The following KATNAL2 variants were observed in gnomAD, a reference collection of about 807,000 sequenced individuals.
The protein encoded by KATNAL2 is katanin catalytic subunit A1 like 2.
Under a neutral mutation model 76.3 loss-of-function variants are expected in KATNAL2, and 52 were observed. That is an observed-to-expected ratio of 0.68 (90% CI 0.55 to 0.86). The LOEUF is 0.86. KATNAL2 is among the 40% of genes least tolerant of loss of function. The pLI, the probability that KATNAL2 is intolerant of heterozygous loss-of-function variation, is 0.00. For synonymous variants in KATNAL2, 243 were observed against 244.2 expected, an observed-to-expected ratio of 1.00 and a Z score of 0.05; for missense variants, 660 against 668.9, an observed-to-expected ratio of 0.99 and a Z score of 0.15.
intron 1 of KATNAL2, among the ~76,000 whole-genome samples, chr18:46,931,468 A>G (rs183978498): frequency 0.022 from 3,380 of 152,172 alleles, 105 homozygotes; most frequent in Non-Finnish European, 0.03. Flanking sequence ...CCTGGCCAAC[A>G]TGGTGAAACC....
chr18:47,085,545 T>C (rs1024341532), intron 15 of KATNAL2, among the ~76,000 whole-genome samples: 3 of 152,144 alleles, frequency 2.0e-5, no homozygotes. Flanking sequence ...GATTGGCCTT[T>C]AGAGATGTCT....
chr18:47,074,790 T>C (rs1448573857), intron 13 of KATNAL2, among the ~76,000 whole-genome samples: 1 of 152,196 alleles, frequency 6.6e-6, no homozygotes, highest in Non-Finnish European at 1.5e-5. Flanking sequence ...ACAAAGGGGC[T>C]AAATTTGTCA....
At chr18:47,056,537 C>A (rs141793778) in intron 6 of KATNAL2, among the ~76,000 whole-genome samples, 30 of 152,272 alleles carry the variant, frequency 2.0e-4, no homozygotes, top group African/African-American at 6.7e-4. Flanking sequence ...GGCGATTGGG[C>A]CTTTTCTGCC....
chr18:46,936,067 C>A (rs2059080772), intron 1 of KATNAL2, among the ~76,000 whole-genome samples: 1 of 152,036 alleles, frequency 6.6e-6, no homozygotes, highest in Admixed American at 6.6e-5. Context: ...AATAATATGG[C>A]CTCAGTGTAT....
At chr18:47,033,168 G>A (rs1313141411) in intron 3 of KATNAL2, 1 of 1,614,118 alleles carries the variant, frequency 6.2e-7, no homozygotes, top group African/African-American at 1.3e-5. Context: ...GAAGGATGCT[G>A]CTGCTGCTGT....
rs371842955 is a variant in KATNAL2, at chr18:47,033,008, G to T, written c.52-13449G>T. The T allele has an allele frequency of 1.2e-5, 19 of 1,613,978 alleles. No individual in the cohort carries two copies. The Admixed American group carries it at 2.0e-4, about 17-fold the overall frequency. ...CTGCAAGGCAAGTCCTGAGTTTATC[G>T]TCGGGAGAATCTTCTCTTGTAGTCT... On this transcript the variant is annotated intron_variant, in intron 3 of 17. Transcript: ENST00000683218.
At chr18:47,038,815 A>T (rs1018652447) in intron 3 of KATNAL2, among the ~76,000 whole-genome samples, 2 of 152,224 alleles carry the variant, frequency 1.3e-5, no homozygotes, top group African/African-American at 4.8e-5. Context: ...TATATATTGC[A>T]AATTATTATA....
chr18:47,098,384 GA>G, intron 15 of KATNAL2: 2 of 215,512 alleles, frequency 9.3e-6, no homozygotes, highest in Non-Finnish European at 1.9e-5. Context: ...GGCAGCAAGA[GA>G]AAATGAGGAA....
intron 15 of KATNAL2, chr18:47,098,132 G>A (rs1481215206): frequency 3.8e-6 from 1 of 263,688 alleles, no homozygotes; most frequent in Non-Finnish European, 7.6e-6. Flanking sequence ...AAGATGGTAT[G>A]TATATAGATG....
intron 3 of KATNAL2, among the ~76,000 whole-genome samples, chr18:46,951,498 A>C (rs917767228): frequency 1.4e-5 from 2 of 146,948 alleles, no homozygotes; most frequent in Admixed American, 6.8e-5. Flanking sequence ...TGGGCGTACT[A>C]TACAGCTTTT....
chr18:47,048,368 AGGCAGTT>A (rs1478375210), intron 4 of KATNAL2, among the ~76,000 whole-genome samples: 1 of 152,186 alleles, frequency 6.6e-6, no homozygotes. Flanking sequence ...GGAGGGCAGG[AGGCAGTT>A]GACAACGAAC....
chr18:47,060,657 G>A (rs1269173958), intron 8 of KATNAL2, among the ~76,000 whole-genome samples: 1 of 152,134 alleles, frequency 6.6e-6, no homozygotes, highest in Non-Finnish European at 1.5e-5. Flanking sequence ...CCTCTGGAGT[G>A]CTGACTTAGT....
chr18:46,941,603 G>C (rs543304093), intron 1 of KATNAL2, among the ~76,000 whole-genome samples: 1 of 152,194 alleles, frequency 6.6e-6, no homozygotes, highest in Admixed American at 6.5e-5. Flanking sequence ...GTATAATTTT[G>C]TTTCTCTTTT....
chr18:47,099,444 C>T lies in KATNAL2; in HGVS notation c.1374+39C>T, dbSNP rs201392119. The T allele has an allele frequency of 1.9e-4, 297 of 1,557,638 alleles. 1 individual carries two copies. In the African/African-American group the frequency reaches 3.9e-3, roughly 21 times the overall value. ...GAGAGGGGCACATGTAGGTCAAGGGCCCACCATATGGCCATCTTGTAGACC... is the reference window on the plus strand; with the variant it reads ...GAGAGGGGCACATGTAGGTCAAGGGTCCACCATATGGCCATCTTGTAGACC... On this transcript the variant is annotated intron_variant, in intron 16 of 17. Coordinates refer to ENST00000683218, the MANE Select transcript of KATNAL2 (RefSeq NM_001387690.1).
At chr18:47,053,075 T>A in intron 5 of KATNAL2, 29 bp downstream of exon 5, 1 of 1,520,198 alleles carries the variant, frequency 6.6e-7, no homozygotes, top group Non-Finnish European at 8.9e-7. Context: ...GAGATAAGGC[T>A]TTGTCTCATC....
chr18:47,069,863 G>C (rs1439909592), intron 13 of KATNAL2, among the ~76,000 whole-genome samples: 1 of 152,024 alleles, frequency 6.6e-6, no homozygotes, highest in African/African-American at 2.4e-5. Flanking sequence ...AGGCATGAAA[G>C]CTGGGGGAAA....
At chr18:46,922,052 A>G (rs1321258735) in intron 1 of KATNAL2, among the ~76,000 whole-genome samples, 2 of 151,924 alleles carry the variant, frequency 1.3e-5, no homozygotes, top group African/African-American at 2.4e-5. Flanking sequence ...CTTTACCAAA[A>G]CTAGTATCAA....
chr18:46,951,364 A>G (rs2059547995), intron 3 of KATNAL2, among the ~76,000 whole-genome samples: 1 of 151,264 alleles, frequency 6.6e-6, no homozygotes, highest in Admixed American at 6.6e-5. Flanking sequence ...ACAGAACTGT[A>G]AAATTCTCAA....
At chr18:46,936,633 T>C (rs1415980622) in intron 1 of KATNAL2, among the ~76,000 whole-genome samples, 1 of 152,094 alleles carries the variant, frequency 6.6e-6, no homozygotes, top group Non-Finnish European at 1.5e-5. Flanking sequence ...ACTATTTACC[T>C]GAATGATGAT....
Sources: gnomAD v4.1 joint callset for allele counts (sites outside exome capture counted in the v4.1 genomes callset) on GRCh38, gnomAD v4.1.1 for gene constraint, MANE v1.5 for transcripts, NCBI Gene and HGNC (gene_info 2026-07-23, HGNC 2026-07-21) for gene names.